CPNE8: variants seen among roughly 807,000 people sequenced by gnomAD.
CPNE8 encodes copine-8.
In CPNE8, 45 loss-of-function variants were observed where a neutral mutation model predicts 81.5. That is an observed-to-expected ratio of 0.55 (90% confidence interval 0.44 to 0.71). CPNE8 has a LOEUF of 0.71. Ranked by LOEUF, CPNE8 falls within the 30% of genes least tolerant of loss-of-function variation. The pLI, the probability that CPNE8 is intolerant of heterozygous loss-of-function variation, is 0.00. For missense variants in CPNE8, 594 were observed against 672.1 expected (o/e 0.88, Z 1.28); for synonymous variants, 252 against 226.3 (o/e 1.11, Z -1.02).
chr12:38,864,103 T>C (rs1178109037), intron 3 of CPNE8, among the ~76,000 whole-genome samples: 2 of 152,042 alleles, frequency 1.3e-5, no homozygotes, highest in South Asian at 2.1e-4. Flanking sequence ...TCACCGCTTT[T>C]ATTCAACACT....
intron 3 of CPNE8, among the ~76,000 whole-genome samples, chr12:38,856,662 A>G (rs924060927): frequency 2.0e-5 from 3 of 152,280 alleles, no homozygotes; most frequent in Admixed American, 2.0e-4. Context: ...CAAAATGCCT[A>G]TGTAAAATTG....
intron 10 of CPNE8, among the ~76,000 whole-genome samples, chr12:38,734,513 A>G (rs996124456): frequency 1.2e-4 from 18 of 152,010 alleles, no homozygotes; most frequent in Admixed American, 1.1e-3. Context: ...TTCAATAGAT[A>G]ATGCTTATTT....
At chr12:38,816,304 C>T (rs181008904) in intron 6 of CPNE8, among the ~76,000 whole-genome samples, 5 of 152,132 alleles carry the variant, frequency 3.3e-5, no homozygotes, top group Non-Finnish European at 7.4e-5. Context: ...TTACTATTTA[C>T]AAGGCACAAC....
chr12:38,747,778 C>T (rs1018893383), intron 10 of CPNE8, among the ~76,000 whole-genome samples: 1 of 151,954 alleles, frequency 6.6e-6, no homozygotes, highest in Non-Finnish European at 1.5e-5. Context: ...AATTTAGATA[C>T]TAATCACGCT....
chr12:38,659,647 G>A, intron 19 of CPNE8, among the ~76,000 whole-genome samples: 1 of 152,192 alleles, frequency 6.6e-6, no homozygotes, highest in East Asian at 1.9e-4. Flanking sequence ...AGAGTTGGAA[G>A]TAAAGCGCTC....
intron 1 of CPNE8, among the ~76,000 whole-genome samples, chr12:38,898,529 C>T (rs117659574): frequency 0.016 from 2,507 of 152,300 alleles, 29 homozygotes; most frequent in Middle Eastern, 0.031. Context: ...CCTCTGTTTA[C>T]CTGTCATATG....
intron 10 of CPNE8, among the ~76,000 whole-genome samples, chr12:38,746,118 G>A (rs1037982442): frequency 8.5e-5 from 13 of 152,048 alleles, no homozygotes; most frequent in South Asian, 4.1e-4. Context: ...TATAGAAAGA[G>A]GTCAAGGTAT....
At chr12:38,708,508 A>C (rs1940170135) in intron 13 of CPNE8, among the ~76,000 whole-genome samples, 1 of 152,218 alleles carries the variant, frequency 6.6e-6, no homozygotes, top group Non-Finnish European at 1.5e-5. Flanking sequence ...GAAGCAGAAA[A>C]GACAGAAGGA....
chr12:38,696,032 T>C (rs1005298620), intron 14 of CPNE8, among the ~76,000 whole-genome samples: 1 of 152,132 alleles, frequency 6.6e-6, no homozygotes, highest in African/African-American at 2.4e-5. Flanking sequence ...GGTGACAATA[T>C]GGCAAATACT....
At chr12:38,747,155 C>T (rs1232563666) in intron 10 of CPNE8, among the ~76,000 whole-genome samples, 5 of 152,204 alleles carry the variant, frequency 3.3e-5, no homozygotes, top group Non-Finnish European at 7.3e-5. Flanking sequence ...ACACTATATG[C>T]TCTACTAACA....
chr12:38,818,832 G>A (rs1679716161), intron 6 of CPNE8, among the ~76,000 whole-genome samples: 1 of 152,124 alleles, frequency 6.6e-6, no homozygotes, highest in South Asian at 2.1e-4. Context: ...ATTCTAACTG[G>A]CATGAGATGG....
At chr12:38,793,377 T>C (rs1249364203) in intron 6 of CPNE8, among the ~76,000 whole-genome samples, 1 of 150,782 alleles carries the variant, frequency 6.6e-6, no homozygotes, top group East Asian at 1.9e-4. Context: ...ATAAACAAAT[T>C]CAAATTTGCA....
chr12:38,795,216 G>C (rs1258057453), intron 6 of CPNE8, among the ~76,000 whole-genome samples: 1 of 152,180 alleles, frequency 6.6e-6, no homozygotes, highest in Non-Finnish European at 1.5e-5. Flanking sequence ...ACTTCACCTT[G>C]TGAATGGGTA....
Position 38,693,642 on chromosome 12 carries a change from T to C in CPNE8, c.1143+15A>G. The C allele has an allele frequency of 6.3e-7, 1 of 1,598,328 alleles. No homozygotes were observed. The highest frequency in any genetic ancestry group is 8.5e-7 in the Non-Finnish European group (1 of 1,172,868). On this transcript the variant is annotated intron_variant, in intron 15 of 19. Transcript: ENST00000331366. ...TAATTTTTCAAAACATCAAATCCTTTTGACAAATTCTTACCAAAGCAAATT... is the reference window on the plus strand; with the variant it reads ...TAATTTTTCAAAACATCAAATCCTTCTGACAAATTCTTACCAAAGCAAATT...
chr12:38,691,330 A>G (rs1207105780), intron 15 of CPNE8, among the ~76,000 whole-genome samples: 1 of 152,128 alleles, frequency 6.6e-6, no homozygotes, highest in Non-Finnish European at 1.5e-5. Context: ...TGAGATTGGC[A>G]GTTTCTAGAG....
intron 3 of CPNE8, among the ~76,000 whole-genome samples, chr12:38,852,131 T>G (rs1284358819): frequency 3.3e-5 from 5 of 152,022 alleles, no homozygotes; most frequent in Non-Finnish European, 7.4e-5. Context: ...TACTATACAT[T>G]TAAATGTTTA....
Position 38,705,543 on chromosome 12 carries a change from A to G in CPNE8, c.915-2622T>C, listed in dbSNP as rs564849496. On this transcript the variant is annotated intron_variant, in intron 13 of 19. Transcript: ENST00000331366. ...AATATAGGCTAATTTGGAGCATAAC[A>G]CTAACCAGCATGAACCTAAGTGAGT... Among the ~76,000 whole-genome samples the G allele has an allele frequency of 2.4e-4, 36 of 152,318 alleles. No individual in the cohort carries two copies. The South Asian group carries it at 7.5e-3, about 32-fold the overall frequency.
chr12:38,656,613 T>C (rs895452578), intron 19 of CPNE8, among the ~76,000 whole-genome samples: 1 of 152,226 alleles, frequency 6.6e-6, no homozygotes, highest in Non-Finnish European at 1.5e-5. Flanking sequence ...GCCTGCATGA[T>C]CTTGAGCAGG....
chr12:38,897,357 C>T (rs2137156581), intron 1 of CPNE8, among the ~76,000 whole-genome samples: 1 of 151,842 alleles, frequency 6.6e-6, no homozygotes, highest in African/African-American at 2.4e-5. Flanking sequence ...AAAACTATCC[C>T]CAGGAAAAAA....
Sources: allele counts gnomAD v4.1 joint callset (sites outside exome capture counted in the v4.1 genomes callset), GRCh38; gene constraint gnomAD v4.1.1; transcripts MANE v1.5; gene names NCBI Gene and HGNC (gene_info 2026-07-23, HGNC 2026-07-21).